Variants in CARM1 observed in about 807,000 individuals in gnomAD.
The protein encoded by CARM1 is histone-arginine methyltransferase CARM1.
Under a neutral mutation model 72.7 loss-of-function variants are expected in CARM1, and 14 were observed. The observed-to-expected ratio is 0.19, with a 90% confidence interval of 0.13 to 0.30. The LOEUF (loss-of-function observed/expected upper bound fraction) is 0.30, where lower values mean the gene tolerates loss of function less well. Ranked by LOEUF, CARM1 falls within the 10% of genes least tolerant of loss-of-function variation. The pLI is 1.00. For missense variants in CARM1, 432 were observed against 833.7 expected (o/e 0.52, Z 5.93); for synonymous variants, 333 against 345.5 (o/e 0.96, Z 0.40).
intron 1 of CARM1, among the ~76,000 whole-genome samples, chr19:10,889,227 A>G (rs1296140810): frequency 6.6e-6 from 1 of 152,022 alleles, no homozygotes; most frequent in Non-Finnish European, 1.5e-5. Flanking sequence ...TGCCAACAGG[A>G]CACCCACAGA....
chr19:10,906,929 CAG>C (rs1411810425), intron 2 of CARM1, among the ~76,000 whole-genome samples: 2 of 78,752 alleles, frequency 2.5e-5, no homozygotes, highest in Non-Finnish European at 5.4e-5. Context: ...TATTTTGAGA[CAG>C]AGTCTCACTC....
At chr19:10,877,924 C>G (rs1033521899) in intron 1 of CARM1, among the ~76,000 whole-genome samples, 1 of 152,156 alleles carries the variant, frequency 6.6e-6, no homozygotes, top group African/African-American at 2.4e-5. Context: ...TCACTGCAGC[C>G]TCTAACTCCT....
In CARM1 at chr19:10,896,945, A is replaced by T. The variant is rs2074028283; in HGVS notation, c.221-8006A>T. Among the ~76,000 whole-genome samples the T allele has an allele frequency of 6.6e-6, 1 of 152,204 alleles. No individual in the cohort carries two copies. The highest frequency in any genetic ancestry group is 1.5e-5 in the Non-Finnish European group (1 of 68,028). On this transcript the variant is annotated intron_variant, in intron 1 of 15. Transcript: ENST00000327064. The surrounding 1 kb of genome is among the most constrained non-coding windows in gnomAD (Gnocchi z 5.2). ...CCTGTAATCCTTCCGGGTTTTGCAA[A>T]TGAAGCTTTATGGGCACACAGCCAT... is the stretch of plus-strand genomic sequence containing the variant.
chr19:10,873,624 GTTTTTTTT>G (rs1169565864), intron 1 of CARM1, among the ~76,000 whole-genome samples: 4 of 47,344 alleles, frequency 8.4e-5, no homozygotes, highest in African/African-American at 2.6e-4. Context: ...TTTTAGTTTA[GTTTTTTTT>G]TTTTTTTTTT....
At chr19:10,897,173 C>A (rs79032560) in intron 1 of CARM1, among the ~76,000 whole-genome samples, 1 of 152,304 alleles carries the variant, frequency 6.6e-6, no homozygotes, top group East Asian at 1.9e-4. Flanking sequence ...ATGCTGGTGC[C>A]AGTCACCTCG....
At chr19:10,878,297 A>C (rs894875077) in intron 1 of CARM1, among the ~76,000 whole-genome samples, 1 of 152,200 alleles carries the variant, frequency 6.6e-6, no homozygotes. Context: ...CACTGGCCCG[A>C]GGCAGGGGAA....
rs55667142 is a variant in CARM1 at position 10,920,123 on chromosome 19, G to GGTGTGTGTGT, written c.1196+168_1196+177dup. Among the ~76,000 whole-genome samples, 1 of 149,934 alleles carries GGTGTGTGTGT rather than the reference G, an allele frequency of 6.7e-6. No individual in the cohort carries two copies. Among genetic ancestry groups the GGTGTGTGTGT allele is most frequent in the Non-Finnish European group, 1.5e-5 (1 of 67,334 alleles). Reference sequence around the variant, plus strand: ...CGGAGCAAGAGACTGTTGTGGGTGGGGTGTGTGTGTGTGTGTGTGTATGTG... The same window carrying GGTGTGTGTGT: ...CGGAGCAAGAGACTGTTGTGGGTGGGGTGTGTGTGTGTGTGTGTGTGTGTGTGTGTATGTG... On this transcript the variant is annotated intron_variant, in intron 10 of 15. Coordinates refer to ENST00000327064, the MANE Select transcript of CARM1 (RefSeq NM_199141.2). This position sits in a 1 kb window ranked among gnomAD's most constrained non-coding sequence, Gnocchi z 5.3.
chr19:10,886,354 C>T lies in CARM1; in HGVS notation c.220+14432C>T, dbSNP rs989100326. ...GATTACAGGCGTGAGCCACCGTGCC[C>T]GGCCTAATTTTTGTATTTCTTGTAG... On this transcript the variant is annotated intron_variant, in intron 1 of 15. Transcript: ENST00000327064. 5.3e-5 allele frequency among the ~76,000 whole-genome samples: 8 copies of T among 152,030 alleles called. No individual in the cohort carries two copies. The South Asian group carries it at 1.2e-3, about 24-fold the overall frequency.
At chr19:10,904,098 G>A (rs1289465446) in intron 1 of CARM1, among the ~76,000 whole-genome samples, 1 of 152,106 alleles carries the variant, frequency 6.6e-6, no homozygotes, top group Non-Finnish European at 1.5e-5. Flanking sequence ...CTTGTCTCCT[G>A]CACTCTGGAA....
chr19:10,899,401 C>T (rs1177555784), intron 1 of CARM1, among the ~76,000 whole-genome samples: 1 of 152,248 alleles, frequency 6.6e-6, no homozygotes, highest in African/African-American at 2.4e-5. Context: ...TCTCCTGCCC[C>T]AGGACGGGTA....
At chr19:10,876,253 T>C (rs1428351297) in intron 1 of CARM1, among the ~76,000 whole-genome samples, 1 of 152,158 alleles carries the variant, frequency 6.6e-6, no homozygotes, top group East Asian at 1.9e-4. Flanking sequence ...CTTGAACTCC[T>C]GGGCTCAAGC....
At chr19:10,908,738 G>A in intron 3 of CARM1, 1 of 217,018 alleles carries the variant, frequency 4.6e-6, no homozygotes, top group Admixed American at 5.3e-5. Flanking sequence ...CTGGCGCTCT[G>A]AGTTCTAGGG....
At chr19:10,879,621 G>T (rs150511324) in intron 1 of CARM1, among the ~76,000 whole-genome samples, 23 of 152,064 alleles carry the variant, frequency 1.5e-4, no homozygotes, top group African/African-American at 5.5e-4. Context: ...GGATTTTTTT[G>T]GTTTTTTTGG....
intron 1 of CARM1, among the ~76,000 whole-genome samples, chr19:10,873,480 T>C (rs1259492277): frequency 6.6e-6 from 1 of 151,100 alleles, no homozygotes; most frequent in African/African-American, 2.4e-5. Flanking sequence ...TCCCAGCTAC[T>C]CGGGAGGCAG....
At chr19:10,918,513 G>A (rs1004236127) in intron 8 of CARM1, among the ~76,000 whole-genome samples, 1 of 152,206 alleles carries the variant, frequency 6.6e-6, no homozygotes, top group Non-Finnish European at 1.5e-5. Flanking sequence ...ATAAGCCACT[G>A]CACCTGGCGT....
intron 8 of CARM1, chr19:10,919,239 A>T (rs2074221407): frequency 4.6e-6 from 1 of 215,468 alleles, no homozygotes; most frequent in Non-Finnish European, 9.2e-6. Context: ...TCACGTCCGC[A>T]TGGTCTTTGA....
chr19:10,871,813 C>A lies in CARM1; in HGVS notation c.111C>A (p.Leu37=). The A allele has an allele frequency of 7.8e-7, 1 of 1,276,944 alleles. No individual in the cohort carries two copies. Among genetic ancestry groups the A allele is most frequent in the South Asian group, 2.0e-5 (1 of 48,978 alleles). 79.1% of individuals were successfully genotyped at this position (1,276,944 alleles called of 1,614,324 possible). The change falls in exon 1 of 16, where the codon CTC becomes CTA. Residue 37 remains leucine (L), a synonymous_variant. Coordinates refer to ENST00000327064, the MANE Select transcript of CARM1 (RefSeq NM_199141.2). The surrounding 1 kb of genome is among the most constrained non-coding windows in gnomAD (Gnocchi z 5.6). ...TGTCGGTGTTCCCCGGCGCCCGCCT[C>A]CTCACCATCGGCGACGCGAACGGCG... ...ATVSVFPGAR[L]LTIGDANGEI...
intron 1 of CARM1, among the ~76,000 whole-genome samples, chr19:10,876,122 G>T (rs147702292): frequency 2.0e-5 from 3 of 151,798 alleles, no homozygotes; most frequent in Non-Finnish European, 4.4e-5. Flanking sequence ...CAGGTGATCC[G>T]CCCACCTTGG....
intron 1 of CARM1, among the ~76,000 whole-genome samples, chr19:10,877,708 C>T (rs1599682535): frequency 6.6e-6 from 1 of 152,212 alleles, no homozygotes; most frequent in East Asian, 1.9e-4. Flanking sequence ...AGGTGCGAGC[C>T]ACCGCACCCA....
Sources: allele counts gnomAD v4.1 joint callset (sites outside exome capture counted in the v4.1 genomes callset), GRCh38; gene constraint gnomAD v4.1.1; non-coding constraint Gnocchi (gnomAD v3.1); transcripts MANE v1.5; gene names NCBI Gene and HGNC (gene_info 2026-07-23, HGNC 2026-07-21).